ICAM3: variants seen among roughly 807,000 people sequenced by gnomAD.
ICAM3 encodes the protein intercellular adhesion molecule 3, also known as ICAM-3.
Under a neutral mutation model 43.6 loss-of-function variants are expected in ICAM3, and 54 were observed. That is an observed-to-expected ratio of 1.24 (90% CI 0.99 to 1.55). The LOEUF (loss-of-function observed/expected upper bound fraction) is 1.55, where lower values mean the gene tolerates loss of function less well. Among genes scored for constraint, ICAM3 ranks in the 40% most tolerant of loss-of-function variants. ICAM3 has a pLI of 0.00. For missense variants in ICAM3, 715 were observed against 717.9 expected, an observed-to-expected ratio of 1.00 and a Z score of 0.05; for synonymous variants, 306 against 312.6, an observed-to-expected ratio of 0.98 and a Z score of 0.22.
chr19:10,334,267 G>T lies in ICAM3; in HGVS notation c.1334C>A (p.Pro445Gln). ...CLKEGSSREV[P>Q]VGIPFFVNVT... is the part of the protein sequence containing the mutation. ...GTTGACGAAGAACGGGATCCCCACC[G>T]GCACCTCCCGGCTGGAGCCTTCCTT... The change falls in exon 6 of 7, where the codon CCG (proline) becomes CAG (glutamine). Residue 445 changes from proline to glutamine, a missense_variant. Coordinates refer to ENST00000160262, the MANE Select transcript of ICAM3 (RefSeq NM_002162.5). This position sits in a 1 kb window ranked among gnomAD's most constrained non-coding sequence, Gnocchi z 5.5. 6.2e-7 allele frequency: 1 copy of T among 1,614,164 alleles called. No homozygotes were observed. Among genetic ancestry groups the T allele is most frequent in the Non-Finnish European group, 8.5e-7 (1 of 1,180,026 alleles).
chr19:10,333,805 G>C lies in ICAM3; in HGVS notation c.*52C>G. 2 of 1,572,226 alleles carry C rather than the reference G, an allele frequency of 1.3e-6. No individual in the cohort carries two copies. The highest frequency in any genetic ancestry group is 1.7e-5 in the Admixed American group (1 of 59,658). On this transcript the variant is annotated 3_prime_UTR_variant, in exon 7 of 7. Transcript: ENST00000160262. This position sits in a 1 kb window ranked among gnomAD's most constrained non-coding sequence, Gnocchi z 4.2. ...GGAGTTTGAAGGCTTTATTGGTGCG[G>C]AATCTGAGGGCACAGCCAAGCCCCC...
Position 10,334,043 on chromosome 19 carries a change from A to G in ICAM3, c.1458T>C (p.Phe486=). 1 of 1,614,064 alleles carries G rather than the reference A, an allele frequency of 6.2e-7. No homozygotes were observed. Among genetic ancestry groups the G allele is most frequent in the East Asian group, 2.2e-5 (1 of 44,870 alleles). The change falls in exon 7 of 7, where the codon TTT becomes TTC. Residue 486 remains phenylalanine (F), a synonymous_variant. Transcript: ENST00000160262. This position sits in a 1 kb window ranked among gnomAD's most constrained non-coding sequence, Gnocchi z 5.5. ...VMDIEAGSSH[F]VPVFVAVLLT... is the part of the protein sequence containing the mutation. ...GTAACACCGCCACGAAGACGGGGACAAAGTGGGAGCTCCCAGCTGTGCAGA... is the reference window on the plus strand; with the variant it reads ...GTAACACCGCCACGAAGACGGGGACGAAGTGGGAGCTCCCAGCTGTGCAGA...
In ICAM3 at chr19:10,334,890, G is replaced by C. The variant is rs1376823641; in HGVS notation, c.938-108C>G. On this transcript the variant is annotated intron_variant, in intron 4 of 6. Coordinates refer to ENST00000160262, the MANE Select transcript of ICAM3 (RefSeq NM_002162.5). This position sits in a 1 kb window ranked among gnomAD's most constrained non-coding sequence, Gnocchi z 5.5. Reference sequence around the variant, plus strand: ...CTCGGGATATCCGGGCCACGCTTTCGGCCGTTCAAGCCTCGCCCTCTTTCC... The same window carrying C: ...CTCGGGATATCCGGGCCACGCTTTCCGCCGTTCAAGCCTCGCCCTCTTTCC... The C allele has an allele frequency of 4.8e-6, 7 of 1,465,942 alleles. No homozygotes were observed. The African/African-American group carries it at 9.9e-5, about 21-fold the overall frequency. The allele number at this position is 1,465,942 out of a possible 1,614,324, so 90.8% of individuals were successfully genotyped here. A position where few individuals can be genotyped will look rare whatever the true frequency, so the allele number is the denominator to read the frequency against.
At chr19:10,338,555 G>C in intron 2 of ICAM3, 127 bp downstream of exon 2, 1 of 779,788 alleles carries the variant, frequency 1.3e-6, no homozygotes, top group Non-Finnish European at 2.1e-6. Context: ...AAATGTCCAG[G>C]TCTGAGCTCT....
chr19:10,333,995 G>T lies in ICAM3; in HGVS notation c.1506C>A (p.Ile502=). The stretch of plus-strand genomic sequence containing the variant: ...TGAAGACGTACATTAAGGCCAGTAC[G>T]ATAGTCACCACGCCCAGGGTCAGTA... ...AVLLTLGVVT[I]VLALMYVFRE... The change falls in exon 7 of 7, where the codon ATC becomes ATA. Residue 502 remains isoleucine, a synonymous_variant. Transcript: ENST00000160262. The surrounding 1 kb of genome is among the most constrained non-coding windows in gnomAD (Gnocchi z 4.2). The T allele has an allele frequency of 1.2e-6, 2 of 1,614,136 alleles. No homozygotes were observed. The highest frequency in any genetic ancestry group is 3.3e-4 in the Middle Eastern group (2 of 6,062).
At chr19:10,336,043 G>A in intron 2 of ICAM3, 67 bp from the exon 3 acceptor site, 1 of 1,417,940 alleles carries the variant, frequency 7.1e-7, no homozygotes, top group African/African-American at 1.4e-5. Flanking sequence ...CCAGGGACTG[G>A]GGAGGAGACA....
At chr19:10,335,039 G>A (rs1307925846) in intron 4 of ICAM3, 27 bp downstream of exon 4, 2 of 1,600,556 alleles carry the variant, frequency 1.2e-6, no homozygotes, top group African/African-American at 1.3e-5. Flanking sequence ...TGCTGAGGCC[G>A]CGCCCCCTTC....
intron 1 of ICAM3, 113 bp downstream of exon 1, chr19:10,339,426 C>T (rs912830652): frequency 1.1e-5 from 10 of 888,480 alleles, no homozygotes; most frequent in Admixed American, 4.6e-5. Context: ...ACAGAGTCAG[C>T]GGCCAGGTCG....
In ICAM3 at chr19:10,335,943, G is replaced by C. The variant is rs1327203455; in HGVS notation, c.377C>G (p.Pro126Arg). ...LPERVELAPL[P>R]PWQPVGQNFT... Reference sequence around the variant, plus strand: ...GTTCTGGCCCACCGGCTGCCAAGGAGGCAGGGGTGCCAGCTCCACACGCTC... The same window carrying C: ...GTTCTGGCCCACCGGCTGCCAAGGACGCAGGGGTGCCAGCTCCACACGCTC... Residue 126 changes from proline (P) to arginine (R), a missense_variant, in exon 3 of 7, where the codon CCT (proline) becomes CGT (arginine). Physicochemically the swap from Pro to Arg is moderately radical, Grantham distance 103. Coordinates refer to ENST00000160262, the MANE Select transcript of ICAM3 (RefSeq NM_002162.5). 6.3e-6 allele frequency: 10 copies of C among 1,578,118 alleles called. No individual in the cohort carries two copies. Among genetic ancestry groups the C allele is most frequent in the Non-Finnish European group, 7.7e-6 (9 of 1,167,828 alleles).
chr19:10,339,082 G>T (rs752895097), intron 1 of ICAM3, 134 bp from the exon 2 acceptor site: 2 of 923,280 alleles, frequency 2.2e-6, no homozygotes, highest in Non-Finnish European at 3.2e-6. Context: ...CAGTGGGAAA[G>T]GTAGAATCCA....
At chr19:10,339,030 C>T in intron 1 of ICAM3, 82 bp from the exon 2 acceptor site, 1 of 1,453,974 alleles carries the variant, frequency 6.9e-7, no homozygotes, top group Non-Finnish European at 9.4e-7. Context: ...TTTAACACCT[C>T]TCTCCTTGTG....
Position 10,334,381 on chromosome 19 carries a change from C to A in ICAM3, c.1220G>T (p.Cys407Phe), listed in dbSNP as rs775466591. Residue 407 changes from cysteine (C) to phenylalanine (F), a missense_variant, in exon 6 of 7, where the codon TGC (cysteine) becomes TTC (phenylalanine). Cys to Phe is a radical substitution (Grantham distance 205). Transcript: ENST00000160262. The surrounding 1 kb of genome is among the most constrained non-coding windows in gnomAD (Gnocchi z 5.5). Reference sequence around the variant, plus strand: ...ATCTTTCCATTTCAAGTGCTGGGGGCATGTGGCTCGGTCAATTTTGGGACC... The same window carrying A: ...ATCTTTCCATTTCAAGTGCTGGGGGAATGTGGCTCGGTCAATTTTGGGACC... Reference protein sequence around the residue: ...LYGPKIDRATCPQHLKWKDKT... With the variant: ...LYGPKIDRATFPQHLKWKDKT... 6.2e-6 allele frequency: 10 copies of A among 1,614,138 alleles called. No individual in the cohort carries two copies. Among genetic ancestry groups the A allele is most frequent in the Non-Finnish European group, 7.6e-6 (9 of 1,180,028 alleles).
chr19:10,335,092 T>TC lies in ICAM3; in HGVS notation c.910dup (p.Glu304GlyfsTer10). ...AAAGACCGTCAAGTTCTCCCGGGCC[T>TC]CCCGTCTCTCGCCCCCTAGGGTCAC... On this transcript the variant is annotated frameshift_variant, in exon 4 of 7. Transcript: ENST00000160262. LOFTEE classifies it high-confidence loss of function. 2 of 1,613,246 alleles carry TC rather than the reference T, an allele frequency of 1.2e-6. No homozygotes were observed. The highest frequency in any genetic ancestry group is 1.7e-6 in the Non-Finnish European group (2 of 1,179,680).
chr19:10,339,197 C>G lies in ICAM3; in HGVS notation c.77-249G>C. ...CCTGGAAGCGGGGACCATTGCAGCC[C>G]GAAACTGAAGGCTAAGTAGGAGTTA... On this transcript the variant is annotated intron_variant, in intron 1 of 6. Coordinates refer to ENST00000160262, the MANE Select transcript of ICAM3 (RefSeq NM_002162.5). 3 of 588,796 alleles carry G rather than the reference C, an allele frequency of 5.1e-6. 1 individual carries two copies. Among genetic ancestry groups the G allele is most frequent in the South Asian group, 4.2e-5 (2 of 47,786 alleles). The allele number at this position is 588,796 out of a possible 1,614,324, so 36.5% of individuals were successfully genotyped here.
Position 10,334,004 on chromosome 19 carries a change from C to T in ICAM3, c.1497G>A (p.Val499=). 1.3e-5 allele frequency: 21 copies of T among 1,614,158 alleles called. No individual in the cohort carries two copies. The highest frequency in any genetic ancestry group is 1.7e-5 in the Non-Finnish European group (20 of 1,180,038). ...ACATTAAGGCCAGTACGATAGTCAC[C>T]ACGCCCAGGGTCAGTAACACCGCCA... ...VFVAVLLTLG[V]VTIVLALMYV... is the part of the protein sequence containing the mutation. The change falls in exon 7 of 7, where the codon GTG becomes GTA. Residue 499 remains valine, a synonymous_variant. Coordinates refer to ENST00000160262, the MANE Select transcript of ICAM3 (RefSeq NM_002162.5). The surrounding 1 kb of genome is among the most constrained non-coding windows in gnomAD (Gnocchi z 5.5).
chr19:10,336,308 G>C (rs566165096), intron 2 of ICAM3: 2 of 282,034 alleles, frequency 7.1e-6, no homozygotes, highest in Non-Finnish European at 1.4e-5. Context: ...AGACGTGGTG[G>C]CTCACGCCTG....
chr19:10,335,413 C>T, intron 3 of ICAM3, 60 bp from the exon 4 acceptor site: 1 of 1,434,594 alleles, frequency 7.0e-7, no homozygotes, highest in Non-Finnish European at 9.3e-7. Flanking sequence ...AGGACACCCT[C>T]ATCCCCCCCA....
rs1599313026 is a variant in ICAM3, at chr19:10,336,163, T to C, written c.344-187A>G. 2.2e-5 allele frequency: 13 copies of C among 581,944 alleles called. No individual in the cohort carries two copies. The East Asian group carries it at 3.6e-4, about 16-fold the overall frequency. 36.0% of individuals were successfully genotyped at this position (581,944 alleles called of 1,614,324 possible). Reference sequence around the variant, plus strand: ...CATTAGCGCAGTGATTATCATTTCCTGTGTTGTCAGATACCTTGCAAGGCG... The same window carrying C: ...CATTAGCGCAGTGATTATCATTTCCCGTGTTGTCAGATACCTTGCAAGGCG... On this transcript the variant is annotated intron_variant, in intron 2 of 6. Transcript: ENST00000160262.
Position 10,335,842 on chromosome 19 carries a change from C to T in ICAM3, c.478G>A (p.Glu160Lys), listed in dbSNP as rs751344085. 2.5e-6 allele frequency: 4 copies of T among 1,611,462 alleles called. No individual in the cohort carries two copies. The African/African-American group carries it at 5.3e-5, about 22-fold the overall frequency. ...LTVVLLRWEEELSRQPAVEEP... is the reference protein window; with the variant it reads ...LTVVLLRWEEKLSRQPAVEEP... ...TCCACTGCGGGCTGCCGGCTCAGCT[C>T]CTCCTCCCAGCGAAGCAGCACCACC... Residue 160 changes from glutamate (E) to lysine (K), a missense_variant, in exon 3 of 7, where the codon GAG (glutamate) becomes AAG (lysine). Transcript: ENST00000160262.
Sources: allele counts gnomAD v4.1 joint callset, GRCh38; gene constraint gnomAD v4.1.1; non-coding constraint Gnocchi (gnomAD v3.1); transcripts MANE v1.5; gene names NCBI Gene and HGNC (gene_info 2026-07-23, HGNC 2026-07-21).